Variants in LARGE1 observed in about 807,000 individuals in gnomAD.
The protein encoded by LARGE1 is LARGE xylosyl- and glucuronyltransferase 1, also known as xylosyl- and glucuronyltransferase LARGE1.
LARGE1 carries 43 observed loss-of-function variants against 87.6 expected under a neutral mutation model. The observed-to-expected ratio is 0.49, with a 90% CI of 0.38 to 0.63. The LOEUF is 0.63. Ranked by LOEUF, LARGE1 falls within the 30% of genes least tolerant of loss-of-function variation. LARGE1 has a pLI of 0.00. For missense variants in LARGE1, 802 were observed against 1,000.2 expected (o/e 0.80, Z 2.67); for synonymous variants, 434 against 394.6 (o/e 1.10, Z -1.18).
At chr22:33,359,568 T>C (rs2146870339) in intron 9 of LARGE1, among the ~76,000 whole-genome samples, 1 of 148,428 alleles carries the variant, frequency 6.7e-6, no homozygotes, top group Admixed American at 6.7e-5. Context: ...ATCTTTTTTT[T>C]TTTTTTTTTT....
chr22:33,474,980 A>G (rs1412003469), intron 6 of LARGE1, among the ~76,000 whole-genome samples: 4 of 152,188 alleles, frequency 2.6e-5, no homozygotes, highest in African/African-American at 9.7e-5. Flanking sequence ...ATATCAGAAG[A>G]TAAGGAGATG....
chr22:33,559,178 T>C (rs968887412), intron 6 of LARGE1, among the ~76,000 whole-genome samples: 1 of 152,210 alleles, frequency 6.6e-6, no homozygotes, highest in African/African-American at 2.4e-5. Flanking sequence ...CTCTGCTTCA[T>C]TGATGGTACA....
At chr22:33,623,978 C>A (rs150333412) in intron 4 of LARGE1, among the ~76,000 whole-genome samples, 1,556 of 152,052 alleles carry the variant, frequency 0.01, 25 homozygotes, top group African/African-American at 0.036. Context: ...TTCAGTGAGC[C>A]AAGATCATGC....
downstream of LARGE1, among the ~76,000 whole-genome samples, chr22:33,160,362 G>A (rs1019770775): frequency 1.3e-5 from 2 of 152,190 alleles, no homozygotes; most frequent in African/African-American, 4.8e-5. Context: ...TGTTGAATGA[G>A]AGAAAAAATC....
intron 2 of LARGE1, among the ~76,000 whole-genome samples, chr22:33,722,367 AAAGGAAAGG>A (rs374440161): frequency 4.2e-4 from 62 of 147,446 alleles, no homozygotes; most frequent in East Asian, 4.1e-3. Context: ...GAGAGAGAAG[AAAGGAAAGG>A]AAGGAAAGGA....
At position 33,598,689 on chromosome 22, in the gene LARGE1, C is replaced by T. The variant is rs937712631; in HGVS notation, c.615+5746G>A. On this transcript the variant is annotated intron_variant, in intron 5 of 14. Transcript: ENST00000397394. ...GTTTCCAGCTTCATCCATGTTCCTA[C>T]AAAGGACATGAACTTATCCTTTTTA... Among the ~76,000 whole-genome samples the T allele has an allele frequency of 7.9e-5, 12 of 152,192 alleles. 1 individual carries two copies. The highest frequency in any genetic ancestry group is 1.0e-4 in the Non-Finnish European group (7 of 68,034).
chr22:33,373,696 T>TG (rs1167394773), intron 9 of LARGE1, among the ~76,000 whole-genome samples: 1 of 152,120 alleles, frequency 6.6e-6, no homozygotes, highest in Admixed American at 6.6e-5. Context: ...ATGTTTATCT[T>TG]GGGTACGGTG....
intron 6 of LARGE1, among the ~76,000 whole-genome samples, chr22:33,479,745 C>CA (rs1555928903): frequency 7.2e-6 from 1 of 139,090 alleles, no homozygotes; most frequent in African/African-American, 2.6e-5. Context: ...AAAGTAATGA[C>CA]TTTTTTTTTT....
At chr22:33,194,318 A>C (rs1384597807) in intron 11 of LARGE1, among the ~76,000 whole-genome samples, 1 of 152,200 alleles carries the variant, frequency 6.6e-6, no homozygotes. Context: ...ATTTTATTGC[A>C]ATCGTCCTTA....
At chr22:33,388,485 G>C (rs892111291) in intron 7 of LARGE1, among the ~76,000 whole-genome samples, 1 of 152,174 alleles carries the variant, frequency 6.6e-6, no homozygotes, top group Admixed American at 6.5e-5. Flanking sequence ...GTTATTTACT[G>C]AGTAGCTACT....
chr22:33,859,642 C>T (rs567192170), intron 1 of LARGE1, among the ~76,000 whole-genome samples: 5 of 152,222 alleles, frequency 3.3e-5, no homozygotes, highest in African/African-American at 1.2e-4. Context: ...GGGCTTAAAT[C>T]CAGGTATGTT....
rs186247542 is a variant in LARGE1, at chr22:33,166,903, T to A, written c.1731-71A>T. ...TGTGGTTATTTGTTCTATGCAATGA[T>A]ACTGGCTAAGAGTAACCACACACTT... On this transcript the variant is annotated intron_variant, in intron 11 of 11. Transcript: ENST00000608642. The A allele has an allele frequency of 4.7e-5, 22 of 470,280 alleles. No individual in the cohort carries two copies. The East Asian group carries it at 1.5e-3, about 33-fold the overall frequency. The allele number at this position is 470,280 out of a possible 1,614,324, so 29.1% of individuals were successfully genotyped here. A position where few individuals can be genotyped will look rare whatever the true frequency, so the allele number is the denominator to read the frequency against.
chr22:33,543,572 G>A (rs988875), intron 6 of LARGE1, among the ~76,000 whole-genome samples: 101,349 of 152,072 alleles, frequency 0.67, 34,121 homozygotes, highest in African/African-American at 0.74. Flanking sequence ...AAAGAAGTCA[G>A]AAGAAAACAT....
chr22:33,781,408 G>A (rs906427492), intron 1 of LARGE1, among the ~76,000 whole-genome samples: 1 of 152,174 alleles, frequency 6.6e-6, no homozygotes, highest in African/African-American at 2.4e-5. Flanking sequence ...GGCTGAGGCA[G>A]GAGAATCACC....
intron 2 of LARGE1, among the ~76,000 whole-genome samples, chr22:33,743,382 C>T (rs2083961100): frequency 6.6e-6 from 1 of 152,180 alleles, no homozygotes; most frequent in Admixed American, 6.5e-5. Flanking sequence ...GCTCTTCCCA[C>T]CGACCTCTCT....
At chr22:33,846,129 T>C (rs1387621422) in intron 1 of LARGE1, among the ~76,000 whole-genome samples, 1 of 152,206 alleles carries the variant, frequency 6.6e-6, no homozygotes, top group African/African-American at 2.4e-5. Context: ...CATAGCTAGA[T>C]CTAGGGTCTT....
At chr22:33,232,165 G>A (rs541549421) in intron 11 of LARGE1, among the ~76,000 whole-genome samples, 2 of 152,272 alleles carry the variant, frequency 1.3e-5, no homozygotes, top group South Asian at 2.1e-4. Flanking sequence ...CAATAGAGCC[G>A]ATTTTCACCA....
intron 1 of LARGE1, among the ~76,000 whole-genome samples, chr22:33,779,234 G>A (rs1486725701): frequency 1.3e-5 from 2 of 152,074 alleles, no homozygotes; most frequent in African/African-American, 4.8e-5. Flanking sequence ...CACAAGGAAC[G>A]GTGGTTATTT....
chr22:33,887,082 G>A (rs2064872952), intron 1 of LARGE1, among the ~76,000 whole-genome samples: 1 of 152,204 alleles, frequency 6.6e-6, no homozygotes, highest in Admixed American at 6.5e-5. Context: ...GGGTGGGGAA[G>A]TGAAGGAAAC....
Sources: gnomAD v4.1 joint callset for allele counts (sites outside exome capture counted in the v4.1 genomes callset) on GRCh38, gnomAD v4.1.1 for gene constraint, MANE v1.5 for transcripts, NCBI Gene and HGNC (gene_info 2026-07-23, HGNC 2026-07-21) for gene names.